Variants in ADARB2 observed in about 807,000 individuals in gnomAD.
The protein encoded by ADARB2 is inactive double-stranded RNA-specific editase B2.
ADARB2 carries 25 observed loss-of-function variants against 62.2 expected under a neutral mutation model. The observed-to-expected ratio is 0.40, with a 90% CI of 0.29 to 0.56. ADARB2 has a LOEUF of 0.56. ADARB2 is among the 20% of genes least tolerant of loss of function. The pLI is 0.43. For missense variants in ADARB2, 1,071 were observed against 1,077.4 expected (o/e 0.99, Z 0.08); for synonymous variants, 572 against 500.8 (o/e 1.14, Z -1.90).
At chr10:1,414,590 A>G (rs1298934079) in intron 1 of ADARB2, among the ~76,000 whole-genome samples, 2 of 152,234 alleles carry the variant, frequency 1.3e-5, no homozygotes, top group Non-Finnish European at 2.9e-5. Context: ...CACGTGCTTA[A>G]TGCAACATGC....
In ADARB2 at chr10:1,573,538, T is replaced by C. The variant is rs530136666; in HGVS notation, c.100+163513A>G. Among the ~76,000 whole-genome samples, 211 of 152,250 alleles carry C rather than the reference T, an allele frequency of 1.4e-3. 2 individuals carry two copies. Among genetic ancestry groups the C allele is most frequent in the Non-Finnish European group, 2.0e-3 (133 of 68,014 alleles). On this transcript the variant is annotated intron_variant, in intron 1 of 9. Coordinates refer to ENST00000381312, the MANE Select transcript of ADARB2 (RefSeq NM_018702.4). Reference sequence around the variant, plus strand: ...CTCACTCTCATTCCGTCCCCTGATGTCCATTTCTTAGAGAAGGTGAATAAA... The same window carrying C: ...CTCACTCTCATTCCGTCCCCTGATGCCCATTTCTTAGAGAAGGTGAATAAA...
At chr10:1,722,196 G>A (rs917476532) in intron 1 of ADARB2, among the ~76,000 whole-genome samples, 5 of 152,122 alleles carry the variant, frequency 3.3e-5, no homozygotes, top group African/African-American at 4.8e-5. Context: ...TGGGAGGGTC[G>A]CACTTATTTA....
intron 2 of ADARB2, among the ~76,000 whole-genome samples, chr10:1,374,409 T>C (rs1386631285): frequency 3.3e-5 from 5 of 152,302 alleles, no homozygotes; most frequent in South Asian, 4.1e-4. Context: ...GTCCGGAATG[T>C]GGTGCTAAGT....
intron 4 of ADARB2, among the ~76,000 whole-genome samples, chr10:1,243,308 C>T (rs1245779267): frequency 6.6e-6 from 1 of 152,238 alleles, no homozygotes; most frequent in Non-Finnish European, 1.5e-5. Flanking sequence ...GCCACGTCCA[C>T]AGAGTTACCT....
At chr10:1,399,566 G>A (rs950151830) in intron 1 of ADARB2, among the ~76,000 whole-genome samples, 2 of 152,118 alleles carry the variant, frequency 1.3e-5, no homozygotes, top group Non-Finnish European at 2.9e-5. Flanking sequence ...TCAGCTTCCC[G>A]GGAAGTGGCT....
intron 1 of ADARB2, among the ~76,000 whole-genome samples, chr10:1,521,597 T>C (rs1019752401): frequency 6.6e-6 from 1 of 152,216 alleles, no homozygotes; most frequent in Non-Finnish European, 1.5e-5. Context: ...TTACAGCCTC[T>C]TCTCTCTGAA....
intron 1 of ADARB2, among the ~76,000 whole-genome samples, chr10:1,466,685 C>T (rs1346441670): frequency 6.6e-6 from 1 of 152,014 alleles, no homozygotes; most frequent in African/African-American, 2.4e-5. Flanking sequence ...TAATTCCCAC[C>T]CTTGGAATTC....
At chr10:1,218,243 G>A (rs1830649367) in intron 6 of ADARB2, among the ~76,000 whole-genome samples, 1 of 152,112 alleles carries the variant, frequency 6.6e-6, no homozygotes, top group Admixed American at 6.5e-5. Flanking sequence ...TAGAGATGGG[G>A]TTTCGCCATG....
intron 3 of ADARB2, among the ~76,000 whole-genome samples, chr10:1,300,188 G>A (rs546264678): frequency 6.6e-6 from 1 of 152,340 alleles, no homozygotes; most frequent in East Asian, 1.9e-4. Flanking sequence ...TAGTCTCTCT[G>A]CTTCTCATCT....
chr10:1,623,988 T>C (rs571111552), intron 1 of ADARB2, among the ~76,000 whole-genome samples: 1 of 152,198 alleles, frequency 6.6e-6, no homozygotes, highest in African/African-American at 2.4e-5. Flanking sequence ...GATCTAGCGA[T>C]TTGGGAGGCT....
chr10:1,503,309 C>A (rs568746801), intron 1 of ADARB2, among the ~76,000 whole-genome samples: 9 of 151,308 alleles, frequency 5.9e-5, no homozygotes, highest in African/African-American at 2.2e-4. Flanking sequence ...GGCTCAGCTT[C>A]CTGAGTAGCT....
intron 3 of ADARB2, among the ~76,000 whole-genome samples, chr10:1,278,929 C>G (rs1000516399): frequency 6.6e-6 from 1 of 152,176 alleles, no homozygotes; most frequent in Non-Finnish European, 1.5e-5. Context: ...CTGTCATCAA[C>G]CTCTCGAATG....
intron 8 of ADARB2, among the ~76,000 whole-genome samples, chr10:1,189,322 T>C (rs956090065): frequency 1.3e-5 from 2 of 152,032 alleles, no homozygotes; most frequent in South Asian, 2.1e-4. Context: ...TGGGAGCTGG[T>C]CCAGTTGCTT....
intron 6 of ADARB2, among the ~76,000 whole-genome samples, chr10:1,219,843 ATGGTGATGGTGATGATGATGGTAATGG>A (rs1830667391): frequency 9.3e-6 from 1 of 106,960 alleles, no homozygotes. Flanking sequence ...GGTGATGATG[ATGGTGATGGTGATGATGATGGTAATGG>A]TGGTGGTGAT....
rs138370871 is a variant in ADARB2 at position 1,704,737 on chromosome 10, C to T, written c.100+32314G>A. Among the ~76,000 whole-genome samples the T allele has an allele frequency of 8.6e-4, 131 of 152,260 alleles. No homozygotes were observed. Among genetic ancestry groups the T allele is most frequent in the African/African-American group, 2.9e-3 (121 of 41,528 alleles). ...ATTGATATTATTACAAAGAATAAATCTGATAGGGTCTCAGAGAGCCTGGAA... is the reference window on the plus strand; with the variant it reads ...ATTGATATTATTACAAAGAATAAATTTGATAGGGTCTCAGAGAGCCTGGAA... On this transcript the variant is annotated intron_variant, in intron 1 of 9. Coordinates refer to ENST00000381312, the MANE Select transcript of ADARB2 (RefSeq NM_018702.4). The surrounding 1 kb of genome is among the most constrained non-coding windows in gnomAD (Gnocchi z 5.6).
At chr10:1,732,554 G>T (rs187052677) in intron 1 of ADARB2, among the ~76,000 whole-genome samples, 2 of 152,118 alleles carry the variant, frequency 1.3e-5, no homozygotes, top group African/African-American at 2.4e-5. Context: ...AGAGAAAGGG[G>T]GAAAAAAAGC....
chr10:1,582,053 C>T (rs372322088), intron 1 of ADARB2, among the ~76,000 whole-genome samples: 3 of 152,202 alleles, frequency 2.0e-5, no homozygotes, highest in African/African-American at 7.2e-5. Flanking sequence ...CCGAGCAGAC[C>T]TTCTTAATCT....
At chr10:1,724,171 G>T (rs749296134) in intron 1 of ADARB2, among the ~76,000 whole-genome samples, 2 of 152,162 alleles carry the variant, frequency 1.3e-5, no homozygotes, top group East Asian at 3.9e-4. Context: ...GCTGAAAAGC[G>T]TGCAGCCAAG....
At chr10:1,197,470 AAG>A (rs1836925401) in intron 8 of ADARB2, among the ~76,000 whole-genome samples, 2 of 152,234 alleles carry the variant, frequency 1.3e-5, no homozygotes, top group Non-Finnish European at 2.9e-5. Flanking sequence ...GGATGCCTGA[AAG>A]GGCTTCAGAC....
Sources: gnomAD v4.1 joint callset for allele counts (sites outside exome capture counted in the v4.1 genomes callset) on GRCh38, gnomAD v4.1.1 for gene constraint, Gnocchi (gnomAD v3.1) non-coding constraint, MANE v1.5 for transcripts, NCBI Gene and HGNC (gene_info 2026-07-23, HGNC 2026-07-21) for gene names.